The following KCNH3 variants were observed in gnomAD, a reference collection of about 807,000 sequenced individuals.
KCNH3 encodes the protein potassium voltage-gated channel subfamily H member 3.
A neutral mutation model predicts 95.6 loss-of-function variants in KCNH3; 36 were observed. The observed-to-expected ratio is 0.38, with a 90% CI of 0.29 to 0.50. The LOEUF is 0.50. Ranked by LOEUF, KCNH3 falls within the 20% of genes least tolerant of loss-of-function variation. KCNH3 has a pLI of 0.95. For missense variants in KCNH3, 1,030 were observed against 1,484.1 expected (o/e 0.69, Z 5.03); for synonymous variants, 620 against 646.3 (o/e 0.96, Z 0.62).
In KCNH3 at chr12:49,555,813, C is replaced by A; in HGVS notation, c.2330C>A (p.Pro777His). 1 of 1,613,554 alleles carries A rather than the reference C, an allele frequency of 6.2e-7. No individual in the cohort carries two copies. ...TCCCCACGTCGAACAGCACCCCGGC[C>A]TCGTCTAGGTGGCAGAGGGAGGCCA... ...LLSPRRTAPR[P>H]RLGGRGRPGR... The change falls in exon 12 of 15, where the codon CCT (proline) becomes CAT (histidine). Residue 777 changes from proline to histidine, a missense_variant. By Grantham distance (77) the Pro-to-His change is moderately conservative. Transcript: ENST00000257981.
intron 7 of KCNH3, among the ~76,000 whole-genome samples, chr12:49,545,478 C>T (rs772566219): frequency 6.6e-6 from 1 of 151,152 alleles, no homozygotes; most frequent in East Asian, 2.0e-4. Context: ...CTGCAAGCTC[C>T]GCCTCCTGGG....
intron 7 of KCNH3, among the ~76,000 whole-genome samples, chr12:49,545,680 C>T (rs1938038716): frequency 6.6e-6 from 1 of 152,160 alleles, no homozygotes; most frequent in Middle Eastern, 3.4e-3. Context: ...TGTGAGCCAC[C>T]ACACCCGGCA....
rs1338679712 is a variant in KCNH3, at chr12:49,541,664, C to T, written c.345C>T (p.Pro115=). ...TCTGGTGTCTCCTGGATGTGATACC[C>T]ATAAAGAATGAGAAAGGGGAGGTGG... ...LPFWCLLDVI[P]IKNEKGEVAL... Residue 115 remains proline, a synonymous_variant, in exon 3 of 15, where the codon CCC becomes CCT. Coordinates refer to ENST00000257981, the MANE Select transcript of KCNH3 (RefSeq NM_012284.3). 6.2e-7 allele frequency: 1 copy of T among 1,614,188 alleles called. No homozygotes were observed. Among genetic ancestry groups the T allele is most frequent in the Non-Finnish European group, 8.5e-7 (1 of 1,180,030 alleles).
chr12:49,554,300 C>T (rs778257705), intron 10 of KCNH3, 37 bp from the exon 11 acceptor site: 3 of 1,544,286 alleles, frequency 1.9e-6, no homozygotes, highest in Admixed American at 3.3e-5. Flanking sequence ...ATGGCTGAAG[C>T]TCTCAGGGCT....
rs1488921890 is a variant in KCNH3 at position 49,555,687 on chromosome 12, G to T, written c.2204G>T (p.Gly735Val). 2 of 1,605,494 alleles carry T rather than the reference G, an allele frequency of 1.2e-6. No individual in the cohort carries two copies. Among genetic ancestry groups the T allele is most frequent in the Non-Finnish European group, 1.7e-6 (2 of 1,174,822 alleles). ...MSTLEEKETDGEQGPTVSPAP... is the reference protein window; with the variant it reads ...MSTLEEKETDVEQGPTVSPAP... ...ACGCTGGAGGAGAAGGAGACAGATGGGGAGCAGGGCCCCACGGTCTCCCCA... is the reference window on the plus strand; with the variant it reads ...ACGCTGGAGGAGAAGGAGACAGATGTGGAGCAGGGCCCCACGGTCTCCCCA... The change falls in exon 12 of 15, where the codon GGG (glycine) becomes GTG (valine). Residue 735 changes from glycine (G) to valine (V), a missense_variant. Physicochemically the swap from Gly to Val is moderately radical, Grantham distance 109. Coordinates refer to ENST00000257981, the MANE Select transcript of KCNH3 (RefSeq NM_012284.3).
At chr12:49,551,279 GA>G (rs927249401) in intron 10 of KCNH3, among the ~76,000 whole-genome samples, 3 of 152,116 alleles carry the variant, frequency 2.0e-5, no homozygotes, top group African/African-American at 7.2e-5. Flanking sequence ...CTGTGTCTGT[GA>G]AAAGCCACTA....
At chr12:49,544,145 TCCC>T in intron 6 of KCNH3, 27 bp from the exon 7 acceptor site, 78 of 817,762 alleles carry the variant, frequency 9.5e-5, no homozygotes, top group Non-Finnish European at 1.3e-4. Context: ...CTGACCTCCC[TCCC>T]TCCCTCCCTC....
chr12:49,542,236 G>T (rs1177524869), intron 3 of KCNH3, among the ~76,000 whole-genome samples: 2 of 152,156 alleles, frequency 1.3e-5, no homozygotes, highest in Non-Finnish European at 2.9e-5. Context: ...ATTTGGGGAT[G>T]CTGGGGGTAC....
chr12:49,556,926 C>A (rs1431602298), intron 13 of KCNH3, among the ~76,000 whole-genome samples: 1 of 152,122 alleles, frequency 6.6e-6, no homozygotes, highest in Non-Finnish European at 1.5e-5. Context: ...GAGGACAGAG[C>A]AAGGGACAGG....
intron 8 of KCNH3, 132 bp from the exon 9 acceptor site, chr12:49,549,308 TG>T (rs1284479446): frequency 3.5e-6 from 5 of 1,447,958 alleles, no homozygotes; most frequent in African/African-American, 1.4e-5. Flanking sequence ...AGGCCGGGGG[TG>T]GGGGAGACTT....
intron 7 of KCNH3, among the ~76,000 whole-genome samples, chr12:49,545,373 A>T (rs958876055): frequency 6.7e-6 from 1 of 149,176 alleles, no homozygotes; most frequent in Non-Finnish European, 1.5e-5. Context: ...CAGGTAACTG[A>T]CATTTAGCCG....
At chr12:49,552,492 C>T (rs185910682) in intron 10 of KCNH3, among the ~76,000 whole-genome samples, 44 of 152,308 alleles carry the variant, frequency 2.9e-4, no homozygotes, top group African/African-American at 6.5e-4. Flanking sequence ...CCTGGTTCCC[C>T]GACCCCAATC....
intron 9 of KCNH3, 23 bp from the exon 10 acceptor site, chr12:49,550,056 AC>A: frequency 3.5e-6 from 2 of 565,418 alleles, no homozygotes. Flanking sequence ...CAACCCCCCC[AC>A]CCCCGCACCT....
intron 4 of KCNH3, 61 bp from the exon 5 acceptor site, chr12:49,543,214 C>T (rs1937934942): frequency 6.4e-7 from 1 of 1,566,982 alleles, no homozygotes; most frequent in African/African-American, 1.4e-5. Flanking sequence ...CAGACTCTAT[C>T]CAAACTCAGC....
At chr12:49,553,495 C>A (rs550965961) in intron 10 of KCNH3, among the ~76,000 whole-genome samples, 33 of 152,228 alleles carry the variant, frequency 2.2e-4, no homozygotes, top group African/African-American at 7.5e-4. Flanking sequence ...TCTTTTTGGT[C>A]GTCTTTGTGT....
chr12:49,546,615 T>A (rs997563389), intron 7 of KCNH3, among the ~76,000 whole-genome samples: 3 of 152,206 alleles, frequency 2.0e-5, no homozygotes, highest in Admixed American at 1.3e-4. Flanking sequence ...TGCTGAGTAT[T>A]GAGGGAGAGA....
At chr12:49,548,284 A>C (rs1938136830) in intron 7 of KCNH3, among the ~76,000 whole-genome samples, 1 of 152,122 alleles carries the variant, frequency 6.6e-6, no homozygotes, top group African/African-American at 2.4e-5. Flanking sequence ...GGCTGTGTTG[A>C]GGCGCCTGTA....
At chr12:49,542,670 C>T (rs1937910499) in intron 3 of KCNH3, 36 bp from the exon 4 acceptor site, 1 of 1,543,724 alleles carries the variant, frequency 6.5e-7, no homozygotes. Flanking sequence ...TGTGGGCACA[C>T]ACCCATCATC....
At chr12:49,543,235 A>G in intron 4 of KCNH3, 40 bp from the exon 5 acceptor site, 2 of 1,599,656 alleles carry the variant, frequency 1.3e-6, no homozygotes, top group South Asian at 1.1e-5. Flanking sequence ...CTGTGCCAAT[A>G]TTCTTTCCTC....
Sources: allele counts gnomAD v4.1 joint callset (sites outside exome capture counted in the v4.1 genomes callset), GRCh38; gene constraint gnomAD v4.1.1; transcripts MANE v1.5; gene names NCBI Gene and HGNC (gene_info 2026-07-23, HGNC 2026-07-21).